ARHGEF28: variants seen among roughly 807,000 people sequenced by gnomAD.
ARHGEF28 encodes the protein Rho guanine nucleotide exchange factor 28.
ARHGEF28 carries 152 observed loss-of-function variants against 206.6 expected under a neutral mutation model. The observed-to-expected ratio is 0.74, with a 90% CI of 0.64 to 0.84. The LOEUF (loss-of-function observed/expected upper bound fraction) is 0.84, where lower values mean the gene tolerates loss of function less well. Among genes scored for constraint, ARHGEF28 ranks in the 40% least tolerant of loss-of-function variants. The probability of loss-of-function intolerance (pLI) is 0.00; values close to 1 mark genes in which losing one functional copy is unlikely to be tolerated. For missense variants in ARHGEF28, 2,028 were observed against 2,073.2 expected, an observed-to-expected ratio of 0.98 and a Z score of 0.42; for synonymous variants, 763 against 776.4, an observed-to-expected ratio of 0.98 and a Z score of 0.29.
chr5:73,721,936 A>C (rs1749975596), intron 2 of ARHGEF28, among the ~76,000 whole-genome samples: 1 of 152,192 alleles, frequency 6.6e-6, no homozygotes, highest in Admixed American at 6.5e-5. Flanking sequence ...GCTCAGCAGC[A>C]GTTTTGTCAT....
chr5:73,901,548 G>C, intron 31 of ARHGEF28: 1 of 214,818 alleles, frequency 4.7e-6, no homozygotes, highest in Admixed American at 5.5e-5. Flanking sequence ...ATGTGTGTCT[G>C]TGCTCTCTGA....
chr5:73,832,612 T>A (rs888114901), intron 10 of ARHGEF28, among the ~76,000 whole-genome samples, 153 bp downstream of exon 10: 3 of 152,192 alleles, frequency 2.0e-5, no homozygotes, highest in Admixed American at 6.5e-5. Context: ...TATGAGCATT[T>A]AAGCATTTAA....
chr5:73,881,037 GTTT>G (rs34727630), intron 22 of ARHGEF28, among the ~76,000 whole-genome samples: 104 of 146,826 alleles, frequency 7.1e-4, no homozygotes, highest in Middle Eastern at 3.4e-3. Flanking sequence ...TTAAGTTCAG[GTTT>G]TTTTTTTTTT....
chr5:73,858,247 C>G, intron 16 of ARHGEF28, 28 bp downstream of exon 16: 1 of 1,541,796 alleles, frequency 6.5e-7, no homozygotes, highest in Admixed American at 2.3e-5. Flanking sequence ...TGTGCGCTGT[C>G]TTTGTTTTCA....
At chr5:73,724,537 G>A (rs925029936) in intron 2 of ARHGEF28, among the ~76,000 whole-genome samples, 1 of 152,064 alleles carries the variant, frequency 6.6e-6, no homozygotes, top group Admixed American at 6.6e-5. Flanking sequence ...AAAATTCCCT[G>A]TGCTGCCCCT....
intron 1 of ARHGEF28, among the ~76,000 whole-genome samples, chr5:73,650,148 A>G (rs141837596): frequency 8.5e-5 from 13 of 152,232 alleles, no homozygotes; most frequent in Non-Finnish European, 1.6e-4. Context: ...ATGGGACAGG[A>G]TATGAGTTAA....
intron 16 of ARHGEF28, among the ~76,000 whole-genome samples, chr5:73,860,061 C>T (rs1359453128): frequency 1.3e-5 from 2 of 152,200 alleles, no homozygotes; most frequent in African/African-American, 4.8e-5. Flanking sequence ...CGACATCTCT[C>T]CTTTCAGGGA....
chr5:73,832,031 A>T (rs1003559602), intron 9 of ARHGEF28, among the ~76,000 whole-genome samples: 2 of 152,220 alleles, frequency 1.3e-5, no homozygotes, highest in African/African-American at 4.8e-5. Context: ...AGTTTAATTT[A>T]AAAATATAGT....
chr5:73,755,190 T>C (rs1752239205), intron 4 of ARHGEF28, among the ~76,000 whole-genome samples: 1 of 151,696 alleles, frequency 6.6e-6, no homozygotes, highest in African/African-American at 2.4e-5. Context: ...AATTTATATA[T>C]CTATGATACA....
At chr5:73,712,586 A>C (rs61120204) in intron 2 of ARHGEF28, among the ~76,000 whole-genome samples, 3,517 of 152,300 alleles carry the variant, frequency 0.023, 131 homozygotes, top group African/African-American at 0.081. Context: ...AAAATTCCAG[A>C]AAACTGAGAC....
At chr5:73,842,353 G>A (rs1184845429) in intron 11 of ARHGEF28, among the ~76,000 whole-genome samples, 1 of 152,194 alleles carries the variant, frequency 6.6e-6, no homozygotes, top group Non-Finnish European at 1.5e-5. Context: ...ATATAGAGGG[G>A]AGAGAAAGGT....
At chr5:73,903,092 A>G (rs1218737584) in intron 31 of ARHGEF28, 1 of 152,224 alleles carries the variant, frequency 6.6e-6, no homozygotes, top group Non-Finnish European at 1.5e-5. Context: ...TTACGAGTGA[A>G]ATCTTTAATT....
At chr5:73,636,118 G>A (rs1743700947) in intron 1 of ARHGEF28, among the ~76,000 whole-genome samples, 1 of 152,098 alleles carries the variant, frequency 6.6e-6, no homozygotes, top group South Asian at 2.1e-4. Flanking sequence ...ATGAGACAAA[G>A]GTCTTATGTC....
intron 4 of ARHGEF28, among the ~76,000 whole-genome samples, chr5:73,768,542 T>C (rs1753040648): frequency 1.3e-5 from 2 of 152,156 alleles, no homozygotes; most frequent in South Asian, 4.1e-4. Flanking sequence ...CTGTAGCCTC[T>C]TTGTTTTGGC....
At chr5:73,813,388 T>C in intron 9 of ARHGEF28, 1 of 1,090,630 alleles carries the variant, frequency 9.2e-7, no homozygotes, top group Non-Finnish European at 1.2e-6. Context: ...ATTTACAGCC[T>C]CCTTGTCGGT....
intron 17 of ARHGEF28, 124 bp downstream of exon 17, chr5:73,864,996 T>A: frequency 1.3e-6 from 1 of 793,300 alleles, no homozygotes; most frequent in Non-Finnish European, 2.0e-6. Context: ...AGCGATAACA[T>A]AACATATGCT....
intron 14 of ARHGEF28, among the ~76,000 whole-genome samples, chr5:73,855,480 C>A (rs1758965259): frequency 6.6e-6 from 1 of 152,008 alleles, no homozygotes; most frequent in African/African-American, 2.4e-5. Flanking sequence ...GTTTTTAATC[C>A]CAGCACTTTG....
At chr5:73,643,955 C>T (rs1048823248) in intron 1 of ARHGEF28, among the ~76,000 whole-genome samples, 2 of 152,156 alleles carry the variant, frequency 1.3e-5, no homozygotes, top group Admixed American at 6.5e-5. Context: ...GCATCAGATG[C>T]ACTAGGTGTG....
intron 4 of ARHGEF28, among the ~76,000 whole-genome samples, chr5:73,766,446 C>T (rs1382606152): frequency 6.6e-6 from 1 of 152,092 alleles, no homozygotes; most frequent in Non-Finnish European, 1.5e-5. Context: ...TTTTGTTGTT[C>T]TTTGGTAAAA....
Sources: gnomAD v4.1 joint callset for allele counts (sites outside exome capture counted in the v4.1 genomes callset) on GRCh38, gnomAD v4.1.1 for gene constraint, MANE v1.5 for transcripts, NCBI Gene and HGNC (gene_info 2026-07-23, HGNC 2026-07-21) for gene names.